The following RORB variants were observed in gnomAD, a reference collection of about 807,000 sequenced individuals.
RORB encodes nuclear receptor ROR-beta.
In RORB, 6 loss-of-function variants were observed where a neutral mutation model predicts 59.1. The ratio of observed to expected loss-of-function variants is 0.10; its 90% CI spans 0.06 to 0.20. The LOEUF (loss-of-function observed/expected upper bound fraction) is 0.20. RORB is among the 10% of genes least tolerant of loss of function. The pLI is 1.00. For synonymous variants in RORB, 215 were observed against 204.5 expected (o/e 1.05, Z -0.44); for missense variants, 320 against 560.5 (o/e 0.57, Z 4.33).
At chr9:74,499,673 G>C (rs1448392543) in intron 1 of RORB, among the ~76,000 whole-genome samples, 2 of 152,172 alleles carry the variant, frequency 1.3e-5, no homozygotes, top group African/African-American at 2.4e-5. Flanking sequence ...TTGGAGAGTA[G>C]AGAACCTTGG....
intron 9 of RORB, among the ~76,000 whole-genome samples, chr9:74,674,507 T>A (rs558693813): frequency 2.5e-4 from 38 of 152,340 alleles, no homozygotes; most frequent in African/African-American, 8.9e-4. Flanking sequence ...TTAACAGACA[T>A]CAGGTTAGAG....
intron 9 of RORB, among the ~76,000 whole-genome samples, chr9:74,674,161 T>C (rs72614685): frequency 0.058 from 8,848 of 152,268 alleles, 482 homozygotes; most frequent in East Asian, 0.29. Flanking sequence ...AGGAATATTT[T>C]ATTTAAATGT....
In RORB at chr9:74,688,331, T is replaced by C. The variant is rs1587425686; in HGVS notation, c.*2713T>C. 1 of 152,180 alleles carries C rather than the reference T, an allele frequency of 6.6e-6. No individual in the cohort carries two copies. The highest frequency in any genetic ancestry group is 1.9e-4 in the East Asian group (1 of 5,184). The allele number at this position is 152,180 out of a possible 1,614,324, so 9.4% of individuals were successfully genotyped here. On this transcript the variant is annotated 3_prime_UTR_variant, in exon 10 of 10. Transcript: ENST00000376896. ...CTTCCCTTTAAAGAGAATCCAGTCA[T>C]GTTTTCAATGGTAAAAAGCCTTAAA...
chr9:74,515,862 T>C lies in RORB; in HGVS notation c.7+17879T>C, dbSNP rs192540810. 9.4e-4 allele frequency among the ~76,000 whole-genome samples: 143 copies of C among 152,160 alleles called. 1 individual carries two copies. Among genetic ancestry groups the C allele is most frequent in the African/African-American group, 3.2e-3 (135 of 41,544 alleles). On this transcript the variant is annotated intron_variant, in intron 1 of 9. Coordinates refer to ENST00000376896, the MANE Select transcript of RORB (RefSeq NM_006914.4). The stretch of plus-strand genomic sequence containing the variant: ...AAGTCACTTGAGCCAAGCTTTCAAA[T>C]TGTGTAGAATTTTATTGCCAAAGAA...
chr9:74,499,824 G>T (rs1041490514), intron 1 of RORB, among the ~76,000 whole-genome samples: 13 of 152,056 alleles, frequency 8.5e-5, no homozygotes, highest in Admixed American at 7.9e-4. Flanking sequence ...TCCCCCTGTG[G>T]CTGGGTTCAT....
intron 1 of RORB, among the ~76,000 whole-genome samples, chr9:74,620,035 A>G (rs1823386097): frequency 6.6e-6 from 1 of 152,190 alleles, no homozygotes. Context: ...AGGCTTTGGT[A>G]TCAGGATGAT....
intron 1 of RORB, among the ~76,000 whole-genome samples, chr9:74,601,899 C>T (rs1415316810): frequency 6.6e-6 from 1 of 152,136 alleles, no homozygotes; most frequent in Non-Finnish European, 1.5e-5. Context: ...ACAAGCAAAG[C>T]AACTTCTTAA....
At chr9:74,500,157 C>A (rs995443792) in intron 1 of RORB, among the ~76,000 whole-genome samples, 4 of 152,208 alleles carry the variant, frequency 2.6e-5, no homozygotes, top group African/African-American at 9.7e-5. Context: ...GGACCCCTTA[C>A]AACTTCTAAC....
chr9:74,549,605 GAA>G (rs1826570418), intron 1 of RORB, among the ~76,000 whole-genome samples: 10 of 54,398 alleles, frequency 1.8e-4, no homozygotes, highest in African/African-American at 8.7e-4. Flanking sequence ...AGGAAGGAAG[GAA>G]GAAAGGAAGG....
chr9:74,566,205 T>C (rs1023906801), intron 1 of RORB, among the ~76,000 whole-genome samples: 1 of 152,050 alleles, frequency 6.6e-6, no homozygotes, highest in South Asian at 2.1e-4. Context: ...CCAAATATGC[T>C]CTCCATTATT....
At chr9:74,575,671 C>T (rs1240109665) in intron 1 of RORB, among the ~76,000 whole-genome samples, 1 of 151,970 alleles carries the variant, frequency 6.6e-6, no homozygotes, top group African/African-American at 2.4e-5. Flanking sequence ...CTAGAGCTCA[C>T]AAGGCAGTTG....
rs534738332 is a variant in RORB, at chr9:74,507,882, C to A, written c.7+9899C>A. On this transcript the variant is annotated intron_variant, in intron 1 of 9. Transcript: ENST00000376896. ...CACAGTTGTTGAGTATGAGCAAATG[C>A]CACACAGTCTGGTAGAATAGAGGAA... 8.3e-4 allele frequency among the ~76,000 whole-genome samples: 126 copies of A among 152,056 alleles called. 1 individual carries two copies. The South Asian group carries it at 9.3e-3, about 11-fold the overall frequency.
At chr9:74,635,439 A>C (rs916394388) in intron 3 of RORB, among the ~76,000 whole-genome samples, 1 of 152,156 alleles carries the variant, frequency 6.6e-6, no homozygotes, top group Non-Finnish European at 1.5e-5. Context: ...AGAGTAATGA[A>C]AGAGGACAAA....
At chr9:74,556,908 G>A (rs1822302271) in intron 1 of RORB, among the ~76,000 whole-genome samples, 1 of 152,060 alleles carries the variant, frequency 6.6e-6, no homozygotes, top group Non-Finnish European at 1.5e-5. Flanking sequence ...CAAATGATGT[G>A]TTAATGTCAA....
At chr9:74,523,202 T>C (rs1826107308) in intron 1 of RORB, among the ~76,000 whole-genome samples, 1 of 151,818 alleles carries the variant, frequency 6.6e-6, no homozygotes, top group Admixed American at 6.6e-5. Context: ...ATCTCATAGT[T>C]CTCTCCCTTA....
At chr9:74,610,189 G>T (rs1288009258) in intron 1 of RORB, among the ~76,000 whole-genome samples, 3 of 152,148 alleles carry the variant, frequency 2.0e-5, no homozygotes, top group South Asian at 2.1e-4. Context: ...ACCTCATAAA[G>T]ATCTTGGTAT....
At chr9:74,665,920 T>C (rs1824256660) in intron 7 of RORB, among the ~76,000 whole-genome samples, 1 of 152,178 alleles carries the variant, frequency 6.6e-6, no homozygotes, top group South Asian at 2.1e-4. Context: ...GGGGCGCAGA[T>C]CACTTGAGCC....
At position 74,691,538 on chromosome 9, in the gene RORB, A is replaced by AT. The variant is rs746992134; in HGVS notation, c.*5926dup. The AT allele has an allele frequency of 6.6e-6, 1 of 152,104 alleles. No homozygotes were observed. Among genetic ancestry groups the AT allele is most frequent in the African/African-American group, 2.4e-5 (1 of 41,404 alleles). The allele number at this position is 152,104 out of a possible 1,614,324, so 9.4% of individuals were successfully genotyped here. A position where few individuals can be genotyped will look rare whatever the true frequency, so the allele number is the denominator to read the frequency against. On this transcript the variant is annotated 3_prime_UTR_variant, in exon 10 of 10. Coordinates refer to ENST00000376896, the MANE Select transcript of RORB (RefSeq NM_006914.4). Reference sequence around the variant, plus strand: ...AGAAATGTAGAGGAAAAATAAAAATATTTTTTCAAATGTAATTACTTTTAA... The same window carrying AT: ...AGAAATGTAGAGGAAAAATAAAAATATTTTTTTCAAATGTAATTACTTTTAA...
intron 1 of RORB, among the ~76,000 whole-genome samples, chr9:74,599,073 T>G (rs1043356806): frequency 1.3e-5 from 2 of 152,188 alleles, no homozygotes; most frequent in African/African-American, 4.8e-5. Context: ...CACCTCCCGC[T>G]AGACCACACC....
Sources: gnomAD v4.1 joint callset for allele counts (sites outside exome capture counted in the v4.1 genomes callset) on GRCh38, gnomAD v4.1.1 for gene constraint, MANE v1.5 for transcripts, NCBI Gene and HGNC (gene_info 2026-07-23, HGNC 2026-07-21) for gene names.